JAK3: variants seen among roughly 807,000 people sequenced by gnomAD.
The protein encoded by JAK3 is tyrosine-protein kinase JAK3.
In JAK3, 88 loss-of-function variants were observed where a neutral mutation model predicts 120.8. That is an observed-to-expected ratio of 0.73 (90% CI 0.61 to 0.87). JAK3 has a LOEUF of 0.87. Among genes scored for constraint, JAK3 ranks in the 40% least tolerant of loss-of-function variants. The pLI is 0.00. For synonymous variants in JAK3, 592 were observed against 628.6 expected (o/e 0.94, Z 0.87); for missense variants, 1,254 against 1,501.4 (o/e 0.84, Z 2.72).
At position 17,843,247 on chromosome 19, in the gene JAK3, C is replaced by A; in HGVS notation, c.421-75G>T. The A allele has an allele frequency of 1.9e-6, 3 of 1,551,132 alleles. No individual in the cohort carries two copies. The highest frequency in any genetic ancestry group is 3.4e-4 in the Middle Eastern group (2 of 5,938). ...CCTGTTGTTAACCTGCAGACCCCCC[C>A]AATCCTGGGCTGACCCCCACCCCTG... On this transcript the variant is annotated intron_variant, in intron 4 of 23. Coordinates refer to ENST00000458235, the MANE Select transcript of JAK3 (RefSeq NM_000215.4). This position sits in a 1 kb window ranked among gnomAD's most constrained non-coding sequence, Gnocchi z 5.4.
Position 17,826,865 on chromosome 19 carries a change from G to A in JAK3, c.3253C>T (p.Arg1085Trp), listed in dbSNP as rs1265005806. The A allele has an allele frequency of 2.5e-6, 4 of 1,613,494 alleles. No individual in the cohort carries two copies. The highest frequency in any genetic ancestry group is 3.4e-6 in the Non-Finnish European group (4 of 1,180,034). ...GGGCCCAGGGCGCTGAATGATGGCC[G>A]GTCCTGTGGGCTAGGGGCCCAGCAC... ...KLCWAPSPQD[R>W]PSFSALGPQL... Residue 1085 changes from arginine (R) to tryptophan (W), a missense_variant, in exon 24 of 24, where the codon CGG (arginine) becomes TGG (tryptophan). Around this residue, in one of 3 missense-constraint regions of JAK3, gnomAD observed 630 missense variants for 819.8 expected, o/e 0.77. Coordinates refer to ENST00000458235, the MANE Select transcript of JAK3 (RefSeq NM_000215.4).
chr19:17,831,379 G>A lies in JAK3; in HGVS notation c.2827C>T (p.Arg943Cys), dbSNP rs760901179. 4 of 1,605,678 alleles carry A rather than the reference G, an allele frequency of 2.5e-6. No homozygotes were observed. The highest frequency in any genetic ancestry group is 1.3e-5 in the African/African-American group (1 of 74,810). The change falls in exon 21 of 24, where the codon CGC (arginine) becomes TGC (cysteine). Residue 943 changes from arginine to cysteine, a missense_variant. Arg to Cys is a radical substitution (Grantham distance 180). Transcript: ENST00000458235. The surrounding 1 kb of genome is among the most constrained non-coding windows in gnomAD (Gnocchi z 5.1). ...GCCAGGTCGCGGTGCACGCAGCGGC[G>A]GGAGCCCAGGTACTCCATGCCCTGC... is the stretch of plus-strand genomic sequence containing the variant. ...ICKGMEYLGS[R>C]RCVHRDLAAR...
At chr19:17,836,073 C>T (rs2094223646) in intron 13 of JAK3, 22 bp from the exon 14 acceptor site, 7 of 1,612,470 alleles carry the variant, frequency 4.3e-6, no homozygotes, top group South Asian at 1.1e-5. Context: ...CAGGGAGAGG[C>T]GGGGTTGGGA....
chr19:17,837,457 C>G (rs1020404506), intron 12 of JAK3, among the ~76,000 whole-genome samples: 1 of 152,122 alleles, frequency 6.6e-6, no homozygotes, highest in African/African-American at 2.4e-5. Context: ...CCTCTGTCAC[C>G]CAGGCTGGAG....
Position 17,838,445 on chromosome 19 carries a change from A to G in JAK3, c.1442-55T>C, listed in dbSNP as rs1439545370. ...AGAAATCAGAGGTGAAAAGTCCCCA[A>G]GGGTTAGCTAACTCATGCCTTAGTT... On this transcript the variant is annotated intron_variant, in intron 10 of 23. Transcript: ENST00000458235. 4.6e-5 allele frequency: 74 copies of G among 1,608,930 alleles called. 1 individual carries two copies. The South Asian group carries it at 8.0e-4, about 17-fold the overall frequency.
At chr19:17,839,775 C>G in intron 9 of JAK3, 112 bp from the exon 10 acceptor site, 1 of 967,914 alleles carries the variant, frequency 1.0e-6, no homozygotes, top group Non-Finnish European at 1.5e-6. Flanking sequence ...GAGTCTGGCT[C>G]TGTCACCCAG....
chr19:17,835,361 G>C, intron 14 of JAK3, 146 bp from the exon 15 acceptor site: 1 of 1,115,460 alleles, frequency 9.0e-7, no homozygotes, highest in South Asian at 1.5e-5. Context: ...ATCCTGTCTT[G>C]CCCCTCTAGT....
chr19:17,830,118 C>T lies in JAK3; in HGVS notation c.3197G>A (p.Cys1066Tyr). The T allele has an allele frequency of 1.3e-6, 2 of 1,580,094 alleles. No homozygotes were observed. Among genetic ancestry groups the T allele is most frequent in the Non-Finnish European group, 1.7e-6 (2 of 1,164,250 alleles). The change falls in exon 23 of 24, where the codon TGC becomes TAC. Residue 1066 changes from cysteine to tyrosine, a missense_variant. By Grantham distance (194) the Cys-to-Tyr change is radical (BLOSUM62 -2). Transcript: ENST00000458235. ...CCCTGCGGCGCTCACCTCAGCAGGG[C>T]AGGCAGGAGGCGCCGGCAGCCTCTG... Reference protein sequence around the residue: ...EGQRLPAPPACPAEVHELMKL... With the variant: ...EGQRLPAPPAYPAEVHELMKL...
rs201482851 is a variant in JAK3, at chr19:17,837,151, G to A, written c.1764C>T (p.His588=). 9 of 1,560,376 alleles carry A rather than the reference G, an allele frequency of 5.8e-6. No homozygotes were observed. The highest frequency in any genetic ancestry group is 6.9e-6 in the Non-Finnish European group (8 of 1,152,742). ...CACTGTCTCCAGCCATGCACACGCC[G>A]TGGAGCAGCACGAGATGCCGGTACG... The part of the protein sequence containing the change: ...QVSYRHLVLL[H]GVCMAGDSTM... The change falls in exon 13 of 24, where the codon CAC becomes CAT. Residue 588 remains histidine (H), a synonymous_variant. Coordinates refer to ENST00000458235, the MANE Select transcript of JAK3 (RefSeq NM_000215.4).
At position 17,841,583 on chromosome 19, in the gene JAK3, A is replaced by G; in HGVS notation, c.985-37T>C. On this transcript the variant is annotated intron_variant, in intron 7 of 23. Coordinates refer to ENST00000458235, the MANE Select transcript of JAK3 (RefSeq NM_000215.4). The surrounding 1 kb of genome is among the most constrained non-coding windows in gnomAD (Gnocchi z 4.1). ...AAGCGTCAGAGCCCAGTGAAACCCG[A>G]GGGTGCCGGTCCCGCCCTCGGGGTA... 6 of 1,609,474 alleles carry G rather than the reference A, an allele frequency of 3.7e-6. No homozygotes were observed. Among genetic ancestry groups the G allele is most frequent in the Non-Finnish European group, 5.1e-6 (6 of 1,178,090 alleles).
Position 17,840,263 on chromosome 19 carries a change from G to A in JAK3, c.1221C>T (p.Asp407=). 2 of 1,613,932 alleles carry A rather than the reference G, an allele frequency of 1.2e-6. No individual in the cohort carries two copies. The highest frequency in any genetic ancestry group is 1.7e-6 in the Non-Finnish European group (2 of 1,179,936). The part of the protein sequence containing the change: ...GSYVLRRSPQ[D]FDSFLLTVCV... The stretch of plus-strand genomic sequence containing the variant: ...AGACAGTGAGGAGGAAGCTGTCAAA[G>A]TCCTGGGGGCTGCGGCGGAGAACAT... Residue 407 remains aspartate, a synonymous_variant, in exon 9 of 24, where the codon GAC becomes GAT. Coordinates refer to ENST00000458235, the MANE Select transcript of JAK3 (RefSeq NM_000215.4).
rs2094246679 is a variant in JAK3, at chr19:17,844,216, C to T, written c.184+18G>A. 8 of 1,572,914 alleles carry T rather than the reference C, an allele frequency of 5.1e-6. No individual in the cohort carries two copies. The highest frequency in any genetic ancestry group is 6.9e-6 in the Non-Finnish European group (8 of 1,160,378). On this transcript the variant is annotated intron_variant, in intron 2 of 23. Transcript: ENST00000458235. ...CCCCATCCTTCCCTCTGGCCCGATC[C>T]ACTAGGGATGCACTCACCGCTGGCC...
Position 17,842,202 on chromosome 19 carries a change from C to T in JAK3, c.861+114G>A, listed in dbSNP as rs2094241055. On this transcript the variant is annotated intron_variant, in intron 6 of 23. Transcript: ENST00000458235. This position sits in a 1 kb window ranked among gnomAD's most constrained non-coding sequence, Gnocchi z 6.4. Reference sequence around the variant, plus strand: ...AGCCCCGCCCCTCATTAAGCCTCGCCCACTTCCCCAAGTCTTTCGTTTTGG... The same window carrying T: ...AGCCCCGCCCCTCATTAAGCCTCGCTCACTTCCCCAAGTCTTTCGTTTTGG... The T allele has an allele frequency of 4.2e-6, 5 of 1,181,430 alleles. No individual in the cohort carries two copies. In the East Asian group the frequency reaches 1.3e-4, roughly 30 times the overall value. The allele number at this position is 1,181,430 out of a possible 1,614,324, so 73.2% of individuals were successfully genotyped here. A position where few individuals can be genotyped will look rare whatever the true frequency, so the allele number is the denominator to read the frequency against.
In JAK3 at chr19:17,834,961, C is replaced by T. The variant is rs200849846; in HGVS notation, c.2090G>A (p.Arg697Gln). The stretch of plus-strand genomic sequence containing the variant: ...TTCCAAGCTAAGTGTCTGCGCCTCC[C>T]GGAGACACTCGGGGGCCACCCAGGG... Reference protein sequence around the residue: ...RIPWVAPECLREAQTLSLEAD... With the variant: ...RIPWVAPECLQEAQTLSLEAD... The change falls in exon 16 of 24, where the codon CGG (arginine) becomes CAG (glutamine). Residue 697 changes from arginine to glutamine, a missense_variant. Transcript: ENST00000458235. 28 of 1,614,036 alleles carry T rather than the reference C, an allele frequency of 1.7e-5. No individual in the cohort carries two copies. Among genetic ancestry groups the T allele is most frequent in the African/African-American group, 9.3e-5 (7 of 74,916 alleles).
chr19:17,835,041 T>A, intron 15 of JAK3, 38 bp from the exon 16 acceptor site: 1 of 1,614,128 alleles, frequency 6.2e-7, no homozygotes, highest in Non-Finnish European at 8.5e-7. Flanking sequence ...TCCACTTCCT[T>A]GCCCTGCTCA....
intron 10 of JAK3, among the ~76,000 whole-genome samples, chr19:17,838,691 G>T (rs373207666): frequency 1.3e-5 from 2 of 150,828 alleles, no homozygotes; most frequent in Non-Finnish European, 2.9e-5. Flanking sequence ...GACTACAGGT[G>T]TGTGCCACCG....
In JAK3 at chr19:17,835,162, A is replaced by T. The variant is rs2147683090; in HGVS notation, c.1968T>A (p.Ala656=). Residue 656 remains alanine (A), a synonymous_variant, in exon 15 of 24, where the codon GCT becomes GCA. Coordinates refer to ENST00000458235, the MANE Select transcript of JAK3 (RefSeq NM_000215.4). The part of the protein sequence containing the change: ...GNVSARKVLL[A]REGADGSPPF... ...GCGGGCTCCCATCAGCCCCCTCCCGAGCCAGGAGCACCTTCCGGGCAGAGA... is the reference window on the plus strand; with the variant it reads ...GCGGGCTCCCATCAGCCCCCTCCCGTGCCAGGAGCACCTTCCGGGCAGAGA... 1 of 1,614,188 alleles carries T rather than the reference A, an allele frequency of 6.2e-7. No individual in the cohort carries two copies.
chr19:17,830,244 G>T, intron 22 of JAK3, 26 bp from the exon 23 acceptor site: 1 of 1,534,786 alleles, frequency 6.5e-7, no homozygotes, highest in Non-Finnish European at 8.8e-7. Context: ...AGCGCATGTG[G>T]TGGGGGAGGA....
chr19:17,840,168 C>T (rs1434611684), intron 9 of JAK3, 62 bp downstream of exon 9: 11 of 1,121,546 alleles, frequency 9.8e-6, no homozygotes, highest in Admixed American at 3.7e-5. Flanking sequence ...TCTTTTAAAT[C>T]TCAATTCAAA....
Sources: allele counts gnomAD v4.1 joint callset (sites outside exome capture counted in the v4.1 genomes callset), GRCh38; gene constraint gnomAD v4.1.1; regional missense constraint gnomAD v4.1.1; non-coding constraint Gnocchi (gnomAD v3.1); transcripts MANE v1.5; gene names NCBI Gene and HGNC (gene_info 2026-07-23, HGNC 2026-07-21).